The following CNTNAP5 variants were observed in gnomAD, a reference collection of about 807,000 sequenced individuals.
The protein encoded by CNTNAP5 is contactin associated protein family member 5.
A neutral mutation model predicts 150.2 loss-of-function variants in CNTNAP5; 72 were observed. The ratio of observed to expected loss-of-function variants is 0.48; its 90% CI spans 0.40 to 0.58. The LOEUF (loss-of-function observed/expected upper bound fraction) is 0.58. Among genes scored for constraint, CNTNAP5 ranks in the 20% least tolerant of loss-of-function variants. The probability of loss-of-function intolerance (pLI) is 0.00; values close to 1 mark genes in which losing one functional copy is unlikely to be tolerated. For synonymous variants in CNTNAP5, 672 were observed against 619.8 expected (o/e 1.08, Z -1.25); for missense variants, 1,636 against 1,626.2 (o/e 1.01, Z -0.10).
chr2:124,481,027 C>G (rs12624008), intron 7 of CNTNAP5, among the ~76,000 whole-genome samples: 31,684 of 152,126 alleles, frequency 0.21, 3,607 homozygotes, highest in East Asian at 0.34. Flanking sequence ...ATGTCATAAA[C>G]TGGGTAGCTT....
At chr2:124,491,791 A>G (rs1216795309) in intron 7 of CNTNAP5, among the ~76,000 whole-genome samples, 2 of 151,522 alleles carry the variant, frequency 1.3e-5, no homozygotes, top group Non-Finnish European at 2.9e-5. Flanking sequence ...CCACCCTAAC[A>G]GGTATGAGAT....
intron 19 of CNTNAP5, among the ~76,000 whole-genome samples, chr2:124,820,289 C>T (rs1326559445): frequency 6.6e-6 from 1 of 151,908 alleles, no homozygotes; most frequent in Non-Finnish European, 1.5e-5. Context: ...GGGATTGAAT[C>T]CATTTACAGT....
chr2:124,692,240 T>A (rs1679314416), intron 13 of CNTNAP5, among the ~76,000 whole-genome samples: 1 of 152,102 alleles, frequency 6.6e-6, no homozygotes. Flanking sequence ...AGTTAACTAT[T>A]TTCAACCAGA....
chr2:124,247,307 T>C (rs1018861118), intron 3 of CNTNAP5, among the ~76,000 whole-genome samples: 9 of 150,994 alleles, frequency 6.0e-5, no homozygotes, highest in African/African-American at 2.2e-4. Context: ...CCAAGCACTG[T>C]GCAAGGTGCT....
chr2:124,172,806 T>C (rs1281072170), intron 1 of CNTNAP5, among the ~76,000 whole-genome samples: 2 of 151,984 alleles, frequency 1.3e-5, no homozygotes, highest in East Asian at 1.9e-4. Flanking sequence ...TGTGTGTACA[T>C]GTGTATGTGT....
At chr2:124,531,333 C>G (rs1695101477) in intron 10 of CNTNAP5, among the ~76,000 whole-genome samples, 1 of 152,154 alleles carries the variant, frequency 6.6e-6, no homozygotes, top group Admixed American at 6.5e-5. Flanking sequence ...TCACCTGACA[C>G]TCACCTCCTG....
intron 3 of CNTNAP5, among the ~76,000 whole-genome samples, chr2:124,266,969 GATT>G (rs1558826707): frequency 9.0e-6 from 1 of 111,134 alleles, no homozygotes; most frequent in African/African-American, 3.2e-5. Context: ...ATAGATGAGA[GATT>G]TTTTTTTTTT....
chr2:124,314,380 T>C (rs1309176152), intron 3 of CNTNAP5, among the ~76,000 whole-genome samples: 1 of 152,188 alleles, frequency 6.6e-6, no homozygotes, highest in East Asian at 1.9e-4. Flanking sequence ...AGCGACTCAT[T>C]TGAATCTCCG....
intron 11 of CNTNAP5, among the ~76,000 whole-genome samples, chr2:124,592,616 G>C (rs1696714835): frequency 1.3e-5 from 2 of 151,954 alleles, no homozygotes. Context: ...CCAAAAGATT[G>C]ACAACACTCC....
chr2:124,388,451 A>G (rs902216161), intron 3 of CNTNAP5, among the ~76,000 whole-genome samples: 1 of 152,156 alleles, frequency 6.6e-6, no homozygotes. Context: ...TAGCCTTCCC[A>G]TATTTAGCAA....
intron 10 of CNTNAP5, among the ~76,000 whole-genome samples, chr2:124,529,714 G>C (rs1428019367): frequency 6.6e-6 from 1 of 152,176 alleles, no homozygotes; most frequent in East Asian, 1.9e-4. Context: ...CTTGCTGGGA[G>C]AAAGGAAGGG....
intron 13 of CNTNAP5, among the ~76,000 whole-genome samples, chr2:124,665,981 G>A (rs893325199): frequency 6.6e-6 from 1 of 152,056 alleles, no homozygotes; most frequent in African/African-American, 2.4e-5. Flanking sequence ...TCATACATGT[G>A]TTTTTGTGTA....
chr2:124,145,810 AT>A lies in CNTNAP5; in HGVS notation c.83-75893del, dbSNP rs1338736248. The stretch of plus-strand genomic sequence containing the variant: ...AAAGTATAATAAAAAAAAAAAAAAC[AT>A]TAAAAAAAAAAAAAAAAGAAGAAAA... On this transcript the variant is annotated intron_variant, in intron 1 of 23. Transcript: ENST00000682447. Among the ~76,000 whole-genome samples, 87 of 8,858 alleles carry A rather than the reference AT, an allele frequency of 9.8e-3. 1 individual carries two copies. Among genetic ancestry groups the A allele is most frequent in the East Asian group, 0.032 (4 of 124 alleles). The allele number at this position is 8,858 out of a possible 152,430, so 5.8% of individuals were successfully genotyped here. A position where few individuals can be genotyped will look rare whatever the true frequency, so the allele number is the denominator to read the frequency against.
At chr2:124,537,634 G>A (rs1035462326) in intron 10 of CNTNAP5, among the ~76,000 whole-genome samples, 1 of 152,116 alleles carries the variant, frequency 6.6e-6, no homozygotes, top group Admixed American at 6.5e-5. Context: ...AAAAAGGACT[G>A]ATTCATTTCT....
intron 1 of CNTNAP5, among the ~76,000 whole-genome samples, chr2:124,039,852 CATAT>C (rs34235264): frequency 0.2 from 29,652 of 151,822 alleles, 3,077 homozygotes; most frequent in Admixed American, 0.3. Context: ...AGTATGCACA[CATAT>C]ATATGCATGC....
At chr2:124,749,048 G>A (rs1680665967) in intron 14 of CNTNAP5, among the ~76,000 whole-genome samples, 1 of 152,178 alleles carries the variant, frequency 6.6e-6, no homozygotes, top group Non-Finnish European at 1.5e-5. Context: ...AAGACATTCA[G>A]TGGTAATTAG....
chr2:124,550,897 A>C (rs951959952), intron 10 of CNTNAP5, among the ~76,000 whole-genome samples: 1 of 152,044 alleles, frequency 6.6e-6, no homozygotes, highest in Non-Finnish European at 1.5e-5. Flanking sequence ...TCTTGCTACT[A>C]TTTTCATAGG....
At chr2:124,548,626 GA>G (rs202236783) in intron 10 of CNTNAP5, among the ~76,000 whole-genome samples, 4 of 147,722 alleles carry the variant, frequency 2.7e-5, no homozygotes, top group South Asian at 2.1e-4. Flanking sequence ...CCACGAACTG[GA>G]AAAAAAAACA....
chr2:124,495,476 T>C (rs555128332), intron 7 of CNTNAP5, among the ~76,000 whole-genome samples: 4 of 152,348 alleles, frequency 2.6e-5, no homozygotes, highest in Non-Finnish European at 5.9e-5. Context: ...GTGGCTCTAG[T>C]AGTTCCCTGT....
Sources: allele counts gnomAD v4.1 joint callset (sites outside exome capture counted in the v4.1 genomes callset), GRCh38; gene constraint gnomAD v4.1.1; transcripts MANE v1.5; gene names NCBI Gene and HGNC (gene_info 2026-07-23, HGNC 2026-07-21).